The following SYNJ2 variants were observed in gnomAD, a reference collection of about 807,000 sequenced individuals.
SYNJ2 encodes polyphosphatidylinositol phosphatase SYNJ2.
Under a neutral mutation model 141.3 loss-of-function variants are expected in SYNJ2, and 116 were observed. The ratio of observed to expected loss-of-function variants is 0.82; its 90% CI spans 0.71 to 0.96. The LOEUF (loss-of-function observed/expected upper bound fraction) is 0.96, where lower values mean the gene tolerates loss of function less well. Among genes scored for constraint, SYNJ2 ranks in the 40% least tolerant of loss-of-function variants. The pLI, the probability that SYNJ2 is intolerant of heterozygous loss-of-function variation, is 0.00. For synonymous variants in SYNJ2, 745 were observed against 777.7 expected, an observed-to-expected ratio of 0.96 and a Z score of 0.70; for missense variants, 1,873 against 1,934.8, an observed-to-expected ratio of 0.97 and a Z score of 0.60.
chr6:158,009,833 C>T (rs1230544939), intron 1 of SYNJ2, among the ~76,000 whole-genome samples: 1 of 152,224 alleles, frequency 6.6e-6, no homozygotes, highest in Non-Finnish European at 1.5e-5. Flanking sequence ...TGCAGCCTGG[C>T]ACCACTGGGC....
chr6:158,082,954 A>T (rs1017329861), intron 20 of SYNJ2, among the ~76,000 whole-genome samples: 5 of 150,638 alleles, frequency 3.3e-5, no homozygotes, highest in Non-Finnish European at 7.4e-5. Flanking sequence ...TTTTTTTGAG[A>T]TGGAGTCTTG....
At chr6:157,997,757 A>C (rs1777690814) in intron 1 of SYNJ2, among the ~76,000 whole-genome samples, 1 of 100,416 alleles carries the variant, frequency 1.0e-5, no homozygotes, top group Non-Finnish European at 2.0e-5. Flanking sequence ...ATGACGAAGC[A>C]TTGGCAAAAA....
intron 1 of SYNJ2, among the ~76,000 whole-genome samples, chr6:158,004,828 G>A (rs1252768018): frequency 2.6e-5 from 4 of 152,004 alleles, no homozygotes; most frequent in Non-Finnish European, 4.4e-5. Flanking sequence ...TGGTTCCTTG[G>A]TGAGTTTTCC....
chr6:158,076,885 G>A, intron 17 of SYNJ2, 103 bp downstream of exon 17: 2 of 1,378,302 alleles, frequency 1.5e-6, no homozygotes, highest in East Asian at 5.0e-5. Context: ...ACATAAATCA[G>A]TTTCTTCATA....
At chr6:158,080,047 G>A (rs1750039) in intron 18 of SYNJ2, among the ~76,000 whole-genome samples, 128,909 of 152,246 alleles carry the variant, frequency 0.85, 55,434 homozygotes, top group African/African-American at 0.95. Flanking sequence ...AACCATCCCT[G>A]TGTCAGAATT....
chr6:158,068,865 T>G, intron 13 of SYNJ2, 137 bp downstream of exon 13: 1 of 861,308 alleles, frequency 1.2e-6, no homozygotes, highest in Non-Finnish European at 1.9e-6. Flanking sequence ...TGTGGGGATC[T>G]CTCACCTGGC....
intron 25 of SYNJ2, among the ~76,000 whole-genome samples, 180 bp downstream of exon 25, chr6:158,090,127 T>C (rs1391296306): frequency 2.6e-5 from 4 of 152,242 alleles, no homozygotes; most frequent in Non-Finnish European, 5.9e-5. Context: ...CCATTTAAAA[T>C]TGTATTTTCA....
chr6:158,042,043 AC>A (rs1469535271), intron 4 of SYNJ2, among the ~76,000 whole-genome samples: 1 of 152,202 alleles, frequency 6.6e-6, no homozygotes, highest in African/African-American at 2.4e-5. Context: ...GTCTTTATAT[AC>A]AAATGTTGGT....
Position 157,982,106 on chromosome 6 carries a change from G to A in SYNJ2, c.127+18G>A, listed in dbSNP as rs888564400. On this transcript the variant is annotated intron_variant, in intron 1 of 26. Coordinates refer to ENST00000355585, the MANE Select transcript of SYNJ2 (RefSeq NM_003898.4). This position sits in a 1 kb window ranked among gnomAD's most constrained non-coding sequence, Gnocchi z 4.0. The stretch of plus-strand genomic sequence containing the variant: ...CACGCTGGGTGAGTCCGGGCCGGGG[G>A]CAGCGACGCCCGGAGGAGAGGGCGC... The A allele has an allele frequency of 2.3e-6, 3 of 1,303,976 alleles. No individual in the cohort carries two copies. Among genetic ancestry groups the A allele is most frequent in the Non-Finnish European group, 1.9e-6 (2 of 1,026,496 alleles). 80.8% of individuals were successfully genotyped at this position (1,303,976 alleles called of 1,614,324 possible).
At position 158,000,064 on chromosome 6, in the gene SYNJ2, C is replaced by CTTTT. The variant is rs58284240; in HGVS notation, c.128-17104_128-17101dup. On this transcript the variant is annotated intron_variant, in intron 1 of 26. Coordinates refer to ENST00000355585, the MANE Select transcript of SYNJ2 (RefSeq NM_003898.4). ...GCCAGGTTCTCACCAAGCCAAAAGG[C>CTTTT]TTTTTTTTTTTTTTTTTTTTTTTTT... is the stretch of plus-strand genomic sequence containing the variant. 1.8e-3 allele frequency among the ~76,000 whole-genome samples: 152 copies of CTTTT among 85,572 alleles called. 31 individuals are homozygous for CTTTT. Among genetic ancestry groups the CTTTT allele is most frequent in the Middle Eastern group, 0.014 (2 of 146 alleles). 56.1% of individuals were successfully genotyped at this position (85,572 alleles called of 152,430 possible).
chr6:158,072,684 G>T (rs1782009220), intron 15 of SYNJ2, among the ~76,000 whole-genome samples: 1 of 151,210 alleles, frequency 6.6e-6, no homozygotes, highest in African/African-American at 2.4e-5. Context: ...TATTTCTTAT[G>T]TTAAAAAAGA....
intron 1 of SYNJ2, among the ~76,000 whole-genome samples, chr6:157,997,027 A>T (rs6923427): frequency 6.0e-5 from 7 of 116,166 alleles, no homozygotes; most frequent in African/African-American, 1.9e-4. Context: ...CACCTACCCC[A>T]CCCCCCCCCA....
chr6:158,074,795 G>C (rs2128380016), intron 16 of SYNJ2, 57 bp downstream of exon 16: 1 of 1,584,286 alleles, frequency 6.3e-7, no homozygotes, highest in Non-Finnish European at 8.6e-7. Flanking sequence ...AATGACATCT[G>C]TGAGATGTAG....
chr6:158,006,732 G>A (rs1361891140), intron 1 of SYNJ2, among the ~76,000 whole-genome samples: 2 of 152,198 alleles, frequency 1.3e-5, no homozygotes, highest in Admixed American at 1.3e-4. Context: ...GAGTGCAGTG[G>A]TGCGATCTCG....
chr6:158,017,355 G>C, intron 2 of SYNJ2, 65 bp downstream of exon 2: 2 of 1,538,410 alleles, frequency 1.3e-6, no homozygotes, highest in Non-Finnish European at 1.7e-6. Context: ...CTCTGTGTCG[G>C]AAGGGGCCTC....
chr6:158,031,642 AGGAGTCAGATG>A (rs1025736101), intron 3 of SYNJ2, among the ~76,000 whole-genome samples: 4 of 152,202 alleles, frequency 2.6e-5, no homozygotes, highest in African/African-American at 9.6e-5. Flanking sequence ...GACCCACAGC[AGGAGTCAGATG>A]GGGTCAACGC....
At chr6:158,009,610 G>C (rs1471380553) in intron 1 of SYNJ2, among the ~76,000 whole-genome samples, 5 of 152,220 alleles carry the variant, frequency 3.3e-5, no homozygotes, top group Admixed American at 6.5e-5. Flanking sequence ...AGACATTCTC[G>C]TGTAGGAAAA....
At chr6:158,089,424 C>T (rs141644539) in intron 24 of SYNJ2, among the ~76,000 whole-genome samples, 19 of 152,134 alleles carry the variant, frequency 1.2e-4, no homozygotes, top group South Asian at 4.2e-4. Flanking sequence ...CAGTGTTTTA[C>T]AGTAGTGAAA....
chr6:158,046,079 G>A (rs1780221645), intron 5 of SYNJ2, among the ~76,000 whole-genome samples: 1 of 152,076 alleles, frequency 6.6e-6, no homozygotes, highest in Non-Finnish European at 1.5e-5. Context: ...AGTAGCTGGG[G>A]TTACAGGCAC....
Sources: allele counts gnomAD v4.1 joint callset (sites outside exome capture counted in the v4.1 genomes callset), GRCh38; gene constraint gnomAD v4.1.1; non-coding constraint Gnocchi (gnomAD v3.1); transcripts MANE v1.5; gene names NCBI Gene and HGNC (gene_info 2026-07-23, HGNC 2026-07-21).